NSMCE2: variants seen among roughly 807,000 people sequenced by gnomAD.
The protein encoded by NSMCE2 is E3 SUMO-protein ligase NSE2.
NSMCE2 carries 24 observed loss-of-function variants against 23.8 expected under a neutral mutation model. The ratio of observed to expected loss-of-function variants is 1.01; its 90% CI spans 0.73 to 1.42. NSMCE2 has a LOEUF of 1.42. NSMCE2 is among the 40% of genes most tolerant of loss of function. The pLI is 0.00. For synonymous variants in NSMCE2, 92 were observed against 94.1 expected, an observed-to-expected ratio of 0.98 and a Z score of 0.13; for missense variants, 284 against 296.5, an observed-to-expected ratio of 0.96 and a Z score of 0.31.
intron 5 of NSMCE2, among the ~76,000 whole-genome samples, chr8:125,208,520 G>A (rs987256042): frequency 3.5e-4 from 54 of 152,262 alleles, no homozygotes; most frequent in South Asian, 8.3e-4. Flanking sequence ...GTACATAGAT[G>A]GATATGACCT....
At chr8:125,248,182 G>A (rs1826066830) in intron 5 of NSMCE2, among the ~76,000 whole-genome samples, 2 of 152,164 alleles carry the variant, frequency 1.3e-5, no homozygotes, top group African/African-American at 4.8e-5. Flanking sequence ...ACAGTCCGGG[G>A]TGTTTATATT....
chr8:125,185,552 C>G (rs192174952), intron 5 of NSMCE2, among the ~76,000 whole-genome samples: 3 of 152,104 alleles, frequency 2.0e-5, no homozygotes, highest in Non-Finnish European at 2.9e-5. Flanking sequence ...GGGATCCACT[C>G]GCCTCAGCCT....
intron 5 of NSMCE2, among the ~76,000 whole-genome samples, chr8:125,314,532 C>T (rs1336246105): frequency 1.3e-5 from 2 of 152,218 alleles, no homozygotes; most frequent in Non-Finnish European, 2.9e-5. Flanking sequence ...CTTCGTGATC[C>T]ACCCGCCTTG....
At chr8:125,125,508 A>G (rs1161609982) in intron 3 of NSMCE2, among the ~76,000 whole-genome samples, 2 of 152,234 alleles carry the variant, frequency 1.3e-5, no homozygotes, top group African/African-American at 2.4e-5. Context: ...AGGTGCTGTG[A>G]TAGAAACCTA....
chr8:125,321,946 G>T (rs980266916), intron 5 of NSMCE2, among the ~76,000 whole-genome samples: 11 of 152,144 alleles, frequency 7.2e-5, no homozygotes, highest in Non-Finnish European at 1.5e-4. Context: ...AATGACTCAG[G>T]AGGTTGAGCA....
intron 5 of NSMCE2, among the ~76,000 whole-genome samples, chr8:125,284,056 A>T (rs767865632): frequency 9.2e-5 from 14 of 151,952 alleles, no homozygotes; most frequent in Non-Finnish European, 1.8e-4. Flanking sequence ...TGGGAGGCTT[A>T]GGCAGGAGAA....
At chr8:125,267,450 A>T (rs1329403512) in intron 5 of NSMCE2, among the ~76,000 whole-genome samples, 2 of 152,232 alleles carry the variant, frequency 1.3e-5, no homozygotes, top group Admixed American at 1.3e-4. Flanking sequence ...AAGGCTAGAC[A>T]GTCAGGACCA....
intron 7 of NSMCE2, among the ~76,000 whole-genome samples, chr8:125,358,229 A>T (rs1813370839): frequency 1.3e-5 from 2 of 151,880 alleles, no homozygotes; most frequent in South Asian, 4.2e-4. Flanking sequence ...GCTACTCGGG[A>T]GGCTGAGGCA....
At chr8:125,318,128 G>C (rs990439234) in intron 5 of NSMCE2, among the ~76,000 whole-genome samples, 1 of 152,156 alleles carries the variant, frequency 6.6e-6, no homozygotes, top group Non-Finnish European at 1.5e-5. Flanking sequence ...ATAAAATAGG[G>C]CCGGGTATAG....
chr8:125,201,629 A>G (rs1823880202), intron 5 of NSMCE2, among the ~76,000 whole-genome samples: 3 of 152,216 alleles, frequency 2.0e-5, no homozygotes, highest in Admixed American at 1.3e-4. Context: ...GTTGTCTTCC[A>G]GTTAGGCTAC....
At chr8:125,243,471 T>G (rs1319909387) in intron 5 of NSMCE2, among the ~76,000 whole-genome samples, 2 of 151,164 alleles carry the variant, frequency 1.3e-5, no homozygotes, top group African/African-American at 4.9e-5. Flanking sequence ...TGGGCTCCTT[T>G]GAAGCAACCT....
At chr8:125,353,810 G>A (rs962854711) in intron 5 of NSMCE2, among the ~76,000 whole-genome samples, 3 of 151,816 alleles carry the variant, frequency 2.0e-5, no homozygotes, top group African/African-American at 7.3e-5. Flanking sequence ...TTGAACCCGG[G>A]AGGCAGAGGT....
At chr8:125,247,878 T>A (rs935555418) in intron 5 of NSMCE2, among the ~76,000 whole-genome samples, 1 of 152,034 alleles carries the variant, frequency 6.6e-6, no homozygotes, top group Admixed American at 6.6e-5. Context: ...AGTAATAGAG[T>A]GCTAGTGAAC....
At chr8:125,354,746 A>C (rs2131361068) in intron 5 of NSMCE2, among the ~76,000 whole-genome samples, 1 of 152,328 alleles carries the variant, frequency 6.6e-6, no homozygotes, top group East Asian at 1.9e-4. Flanking sequence ...AAAACAAAGT[A>C]ATTGGAGGCA....
chr8:125,338,968 A>G (rs897507128), intron 5 of NSMCE2, among the ~76,000 whole-genome samples: 9 of 152,248 alleles, frequency 5.9e-5, no homozygotes, highest in Admixed American at 2.6e-4. Context: ...ATGAAGGTCA[A>G]GGATGAGCAG....
chr8:125,196,897 A>G (rs1823651311), intron 5 of NSMCE2, among the ~76,000 whole-genome samples: 1 of 152,144 alleles, frequency 6.6e-6, no homozygotes, highest in Non-Finnish European at 1.5e-5. Context: ...CGCCATTCTA[A>G]CTGGCATGAG....
intron 4 of NSMCE2, among the ~76,000 whole-genome samples, chr8:125,176,768 C>T (rs954094029): frequency 6.6e-5 from 10 of 152,274 alleles, no homozygotes; most frequent in African/African-American, 1.9e-4. Context: ...ATAAAGATCC[C>T]GATTTCTAAG....
At chr8:125,296,392 ATTTTTTT>A (rs11410793) in intron 5 of NSMCE2, among the ~76,000 whole-genome samples, 11 of 125,746 alleles carry the variant, frequency 8.7e-5, no homozygotes, top group East Asian at 2.3e-4. Context: ...TGCCATGGTC[ATTTTTTT>A]TTTTTTTTTT....
chr8:125,120,949 C>G (rs1181165433), intron 3 of NSMCE2, among the ~76,000 whole-genome samples: 1 of 152,220 alleles, frequency 6.6e-6, no homozygotes, highest in Non-Finnish European at 1.5e-5. Context: ...CCTCTTCATT[C>G]TACTGCACAT....
Sources: gnomAD v4.1 joint callset for allele counts (sites outside exome capture counted in the v4.1 genomes callset) on GRCh38, gnomAD v4.1.1 for gene constraint, MANE v1.5 for transcripts, NCBI Gene and HGNC (gene_info 2026-07-23, HGNC 2026-07-21) for gene names.